Variants in DOP1B observed in about 807,000 individuals in gnomAD.
The protein encoded by DOP1B is DOP1 leucine zipper like protein B.
DOP1B carries 174 observed loss-of-function variants against 233.5 expected under a neutral mutation model. That is an observed-to-expected ratio of 0.75 (90% CI 0.66 to 0.85). The LOEUF (loss-of-function observed/expected upper bound fraction) is 0.85. Among genes scored for constraint, DOP1B ranks in the 40% least tolerant of loss-of-function variants. The pLI is 0.00. For synonymous variants in DOP1B, 1,190 were observed against 1,185.6 expected, an observed-to-expected ratio of 1.00 and a Z score of -0.08; for missense variants, 2,652 against 2,846.6, an observed-to-expected ratio of 0.93 and a Z score of 1.56.
At position 36,253,891 on chromosome 21, in the gene DOP1B, A is replaced by G; in HGVS notation, c.5241A>G (p.Gln1747=). The G allele has an allele frequency of 1.9e-6, 3 of 1,613,956 alleles. No individual in the cohort carries two copies. Among genetic ancestry groups the G allele is most frequent in the Non-Finnish European group, 2.5e-6 (3 of 1,179,960 alleles). ...LVKEVVKRPP[Q]VKGGDEKSPL... ...AGGAGGTGGTGAAGAGGCCACCCCA[A>G]GTCAAAGGGGGTGATGAGGTGAGGA... is the stretch of plus-strand genomic sequence containing the variant. The change falls in exon 23 of 37, where the codon CAA becomes CAG. Residue 1747 remains glutamine (Q), a synonymous_variant. Coordinates refer to ENST00000691173, the MANE Select transcript of DOP1B (RefSeq NM_001320714.2).
At chr21:36,160,069 G>T (rs1346465014) in intron 1 of DOP1B, among the ~76,000 whole-genome samples, 1 of 152,144 alleles carries the variant, frequency 6.6e-6, no homozygotes, top group Admixed American at 6.6e-5. Context: ...AACAGACTGT[G>T]CACCATTGGA....
chr21:36,235,872 G>GC (rs1555893504), intron 15 of DOP1B, among the ~76,000 whole-genome samples: 3 of 147,462 alleles, frequency 2.0e-5, no homozygotes, highest in Non-Finnish European at 3.0e-5. Context: ...TCGGGGGGGG[G>GC]GCGGTCTACG....
At position 36,227,718 on chromosome 21, in the gene DOP1B, C is replaced by T. The variant is rs750612187; in HGVS notation, c.1506C>T (p.Leu502=). 6.3e-6 allele frequency: 10 copies of T among 1,598,558 alleles called. No homozygotes were observed. The South Asian group carries it at 1.0e-4, about 16-fold the overall frequency. The change falls in exon 13 of 37, where the codon CTC becomes CTT. Residue 502 remains leucine (L), a synonymous_variant. Coordinates refer to ENST00000691173, the MANE Select transcript of DOP1B (RefSeq NM_001320714.2). ...ACTCTGAGGTGCAAACCCAGTATCT[C>T]CCTCAGGTGCTCGGCTGCCTGGTGC... The part of the protein sequence containing the change: ...ELYSEVQTQY[L]PQVLGCLVQP...
chr21:36,242,232 G>T (rs1461164878), intron 18 of DOP1B, among the ~76,000 whole-genome samples: 2 of 151,046 alleles, frequency 1.3e-5, no homozygotes, highest in African/African-American at 4.9e-5. Flanking sequence ...GAGTACAGTG[G>T]TGTGATCCCA....
At chr21:36,188,916 A>G (rs891954135) in intron 2 of DOP1B, among the ~76,000 whole-genome samples, 1 of 152,234 alleles carries the variant, frequency 6.6e-6, no homozygotes, top group Admixed American at 6.5e-5. Flanking sequence ...CATATGGTTA[A>G]ATTACTCCTT....
At chr21:36,232,665 G>A in intron 14 of DOP1B, 139 bp from the exon 15 acceptor site, 1 of 1,133,294 alleles carries the variant, frequency 8.8e-7, no homozygotes, top group Non-Finnish European at 1.3e-6. Flanking sequence ...AGTCTCACCA[G>A]CGGGAGGTTA....
intron 18 of DOP1B, 116 bp downstream of exon 18, chr21:36,240,071 T>A: frequency 1.6e-6 from 2 of 1,222,140 alleles, no homozygotes; most frequent in Non-Finnish European, 1.1e-6. Context: ...ATGCAAATGG[T>A]ACTTTGTAAA....
chr21:36,188,525 C>T (rs929023610), intron 2 of DOP1B, among the ~76,000 whole-genome samples: 10 of 148,086 alleles, frequency 6.8e-5, no homozygotes, highest in Non-Finnish European at 4.6e-5. Context: ...AACAGTGCCC[C>T]CTGGCAGGTG....
At chr21:36,185,126 G>A (rs2066149221) in intron 2 of DOP1B, among the ~76,000 whole-genome samples, 1 of 152,100 alleles carries the variant, frequency 6.6e-6, no homozygotes, top group Admixed American at 6.6e-5. Flanking sequence ...TCATTTGTAT[G>A]TGCAATAAAA....
intron 32 of DOP1B, among the ~76,000 whole-genome samples, chr21:36,284,197 G>T (rs1253225101): frequency 6.7e-6 from 1 of 150,166 alleles, no homozygotes; most frequent in Non-Finnish European, 1.5e-5. Flanking sequence ...TGATCCGCCT[G>T]TGTTGGCCTC....
At chr21:36,163,600 G>T (rs993214697) in intron 1 of DOP1B, among the ~76,000 whole-genome samples, 1 of 152,176 alleles carries the variant, frequency 6.6e-6, no homozygotes, top group Non-Finnish European at 1.5e-5. Flanking sequence ...GTTCACTCAC[G>T]TTTAACTATA....
intron 14 of DOP1B, among the ~76,000 whole-genome samples, chr21:36,232,086 C>T (rs2066773394): frequency 6.6e-6 from 1 of 152,044 alleles, no homozygotes; most frequent in African/African-American, 2.4e-5. Flanking sequence ...CCTCGCGATC[C>T]ACCCGCCTAG....
chr21:36,258,972 G>GTTT (rs551334908), intron 23 of DOP1B, among the ~76,000 whole-genome samples: 6 of 116,058 alleles, frequency 5.2e-5, no homozygotes, highest in South Asian at 2.8e-4. Flanking sequence ...GCCTTTCACT[G>GTTT]TTTTTTTTTT....
chr21:36,174,170 G>A (rs1360673364), intron 2 of DOP1B, among the ~76,000 whole-genome samples: 1 of 152,144 alleles, frequency 6.6e-6, no homozygotes, highest in Non-Finnish European at 1.5e-5. Context: ...TTTACAGATC[G>A]GCTGCAAGAA....
At chr21:36,199,593 G>C (rs144281100) in intron 3 of DOP1B, among the ~76,000 whole-genome samples, 8 of 150,186 alleles carry the variant, frequency 5.3e-5, no homozygotes, top group Non-Finnish European at 7.4e-5. Context: ...CCACTCCCCC[G>C]ACCCCATGAC....
At chr21:36,208,617 A>G in intron 4 of DOP1B, 98 bp from the exon 5 acceptor site, 1 of 1,328,294 alleles carries the variant, frequency 7.5e-7, no homozygotes, top group Non-Finnish European at 1.0e-6. Context: ...AGCCAGGCGA[A>G]TCCGCTGTGG....
intron 29 of DOP1B, 62 bp from the exon 30 acceptor site, chr21:36,278,147 T>A (rs1454283393): frequency 1.7e-5 from 27 of 1,613,440 alleles, no homozygotes; most frequent in Non-Finnish European, 2.0e-5. Flanking sequence ...CACAAATGAA[T>A]CAAGTAGTTT....
intron 2 of DOP1B, among the ~76,000 whole-genome samples, chr21:36,197,990 G>A (rs1173945955): frequency 5.4e-5 from 8 of 148,858 alleles, no homozygotes; most frequent in Non-Finnish European, 1.2e-4. Context: ...ATTGCACTCC[G>A]GCCTGGGCAA....
intron 2 of DOP1B, among the ~76,000 whole-genome samples, chr21:36,192,030 G>T (rs544741911): frequency 6.6e-6 from 1 of 151,840 alleles, no homozygotes; most frequent in African/African-American, 2.4e-5. Context: ...GAGTCCTACC[G>T]AATTGCCCAG....
Sources: gnomAD v4.1 joint callset for allele counts (sites outside exome capture counted in the v4.1 genomes callset) on GRCh38, gnomAD v4.1.1 for gene constraint, MANE v1.5 for transcripts, NCBI Gene and HGNC (gene_info 2026-07-23, HGNC 2026-07-21) for gene names.